QKI: variants seen among roughly 807,000 people sequenced by gnomAD.
The protein encoded by QKI is QKI, KH domain containing RNA binding, also known as KH domain-containing RNA-binding protein QKI.
A neutral mutation model predicts 39.0 loss-of-function variants in QKI; 10 were observed. The ratio of observed to expected loss-of-function variants is 0.26; its 90% confidence interval spans 0.16 to 0.43. The LOEUF (loss-of-function observed/expected upper bound fraction) is 0.43, where lower values mean the gene tolerates loss of function less well. Among genes scored for constraint, QKI ranks in the 20% least tolerant of loss-of-function variants. The pLI is 1.00. For missense variants in QKI, 218 were observed against 428.0 expected (o/e 0.51, Z 4.33); for synonymous variants, 204 against 155.4 (o/e 1.31, Z -2.33).
At chr6:163,495,871 T>G (rs555831294) in intron 3 of QKI, among the ~76,000 whole-genome samples, 109 of 152,340 alleles carry the variant, frequency 7.2e-4, no homozygotes, top group African/African-American at 2.5e-3. Context: ...TGCCTCATTT[T>G]TGATGTTGAT....
At chr6:163,527,317 AT>A (rs1780577582) in intron 3 of QKI, among the ~76,000 whole-genome samples, 1 of 152,164 alleles carries the variant, frequency 6.6e-6, no homozygotes, top group Non-Finnish European at 1.5e-5. Flanking sequence ...CTAAGATTAT[AT>A]GCACAACTGG....
chr6:163,456,300 T>TTC (rs924114154), intron 2 of QKI, among the ~76,000 whole-genome samples: 2 of 152,122 alleles, frequency 1.3e-5, no homozygotes, highest in Non-Finnish European at 2.9e-5. Flanking sequence ...CTGGTTTATT[T>TTC]TCTCTCTCTC....
At position 163,520,608 on chromosome 6, in the gene QKI, A is replaced by G. The variant is rs547867519; in HGVS notation, c.403-14374A>G. ...CCACCTATTAGCTACAAGGCTTTGC[A>G]GTGGTGCTGTTAGCTAGGTTCATAT... On this transcript the variant is annotated intron_variant, in intron 3 of 7. Transcript: ENST00000361752. 5.9e-5 allele frequency among the ~76,000 whole-genome samples: 9 copies of G among 152,316 alleles called. No homozygotes were observed. In the South Asian group the frequency reaches 1.4e-3, roughly 25 times the overall value.
chr6:163,463,775 A>G (rs974001158), intron 2 of QKI, among the ~76,000 whole-genome samples: 4 of 152,210 alleles, frequency 2.6e-5, no homozygotes, highest in African/African-American at 7.2e-5. Context: ...CAAGAGCAGA[A>G]GACAGTATTT....
chr6:163,481,299 C>T (rs542020953), intron 3 of QKI, among the ~76,000 whole-genome samples: 2 of 152,076 alleles, frequency 1.3e-5, no homozygotes, highest in South Asian at 4.2e-4. Context: ...TGTGTATATA[C>T]TGATTGCCTG....
chr6:163,562,573 T>C (rs956351695), intron 5 of QKI, among the ~76,000 whole-genome samples: 8 of 152,228 alleles, frequency 5.3e-5, no homozygotes, highest in African/African-American at 1.7e-4. Context: ...GTGATAACTC[T>C]TTTTCCGTCC....
intron 2 of QKI, among the ~76,000 whole-genome samples, chr6:163,464,107 A>G (rs1318409006): frequency 6.6e-6 from 1 of 152,174 alleles, no homozygotes; most frequent in Admixed American, 6.5e-5. Context: ...ATCACATGGT[A>G]TGCAGTGATC....
chr6:163,576,063 G>A lies in QKI; in HGVS notation c.*5353G>A, dbSNP rs1178374692. On this transcript the variant is annotated 3_prime_UTR_variant, in exon 8 of 8. Coordinates refer to ENST00000361752, the MANE Select transcript of QKI (RefSeq NM_006775.3). ...TTCACAATTTTTCTAAGTGCATAGA[G>A]TAGTTTTTTACATTGTCACGAATTC... 3.3e-5 allele frequency: 5 copies of A among 152,122 alleles called. 1 individual carries two copies. The highest frequency in any genetic ancestry group is 5.9e-5 in the Non-Finnish European group (4 of 68,042). 9.4% of individuals were successfully genotyped at this position (152,122 alleles called of 1,614,324 possible). A position where few individuals can be genotyped will look rare whatever the true frequency, so the allele number is the denominator to read the frequency against.
chr6:163,555,537 A>G (rs942664691), intron 4 of QKI, among the ~76,000 whole-genome samples: 1 of 143,390 alleles, frequency 7.0e-6, no homozygotes, highest in Admixed American at 7.1e-5. Flanking sequence ...AAAAGCCTGC[A>G]CTCTGAGAGA....
intron 6 of QKI, chr6:163,565,633 GAATAAT>G (rs1262034830): frequency 1.3e-5 from 13 of 1,037,624 alleles, no homozygotes; most frequent in Non-Finnish European, 1.4e-5. Flanking sequence ...TTCATAAGGT[GAATAAT>G]AATAAGTGCC....
chr6:163,519,858 C>A (rs1780042324), intron 3 of QKI, among the ~76,000 whole-genome samples: 1 of 151,958 alleles, frequency 6.6e-6, no homozygotes, highest in African/African-American at 2.4e-5. Context: ...TTTTTCATTG[C>A]ATTCACATTT....
chr6:163,512,642 TTAATTATC>T (rs1405157233), intron 3 of QKI, among the ~76,000 whole-genome samples: 1 of 152,118 alleles, frequency 6.6e-6, no homozygotes, highest in Non-Finnish European at 1.5e-5. Context: ...CATACTTCAT[TTAATTATC>T]TAATTATCAA....
intron 1 of QKI, among the ~76,000 whole-genome samples, chr6:163,420,138 G>GCTTTT (rs1284127252): frequency 3.4e-5 from 5 of 145,948 alleles, no homozygotes; most frequent in Non-Finnish European, 6.0e-5. Context: ...ACATGTAAGG[G>GCTTTT]CTTTTCTTTT....
At chr6:163,517,080 TTTCTCTC>T (rs1562505618) in intron 3 of QKI, among the ~76,000 whole-genome samples, 9 of 137,452 alleles carry the variant, frequency 6.5e-5, no homozygotes, top group East Asian at 4.2e-4. Flanking sequence ...TCTCTCTCTC[TTTCTCTC>T]TCTCTCTCTC....
chr6:163,563,594 C>A lies in QKI; in HGVS notation c.809C>A (p.Pro270Gln). Residue 270 changes from proline (P) to glutamine (Q), a missense_variant, in exon 6 of 8, where the codon CCA becomes CAA. This residue lies in a region of QKI where 117 missense variants were observed against 186.0 expected (regional missense o/e 0.63). Coordinates refer to ENST00000361752, the MANE Select transcript of QKI (RefSeq NM_006775.3). ...GTCATGCCAAACGGAACTCCTCACC[C>A]AACTGCTGCAATAGTTCCTCCAGGG... is the stretch of plus-strand genomic sequence containing the variant. ...TAVMPNGTPH[P>Q]TAAIVPPGPE... 6.2e-7 allele frequency: 1 copy of A among 1,614,214 alleles called. No homozygotes were observed. Among genetic ancestry groups the A allele is most frequent in the South Asian group, 1.1e-5 (1 of 91,078 alleles).
At chr6:163,519,562 T>C (rs186660667) in intron 3 of QKI, among the ~76,000 whole-genome samples, 13 of 151,928 alleles carry the variant, frequency 8.6e-5, no homozygotes, top group Admixed American at 5.9e-4. Context: ...TTTTCACATG[T>C]GAAAAATAAG....
chr6:163,531,457 T>A (rs1476007906), intron 3 of QKI, among the ~76,000 whole-genome samples: 1 of 152,210 alleles, frequency 6.6e-6, no homozygotes, highest in Non-Finnish European at 1.5e-5. Context: ...TGCTTTTTAA[T>A]GAGAGTTCAT....
chr6:163,527,553 G>A (rs1780590530), intron 3 of QKI, among the ~76,000 whole-genome samples: 1 of 151,960 alleles, frequency 6.6e-6, no homozygotes, highest in African/African-American at 2.4e-5. Context: ...AGCAGGGGTG[G>A]GACAATCAGT....
At chr6:163,445,046 A>C (rs2757582) in intron 1 of QKI, among the ~76,000 whole-genome samples, 34,433 of 152,014 alleles carry the variant, frequency 0.23, 4,100 homozygotes, top group Middle Eastern at 0.3. Flanking sequence ...AGCTGGGACT[A>C]CAGGCACACC....
Sources: allele counts gnomAD v4.1 joint callset (sites outside exome capture counted in the v4.1 genomes callset), GRCh38; gene constraint gnomAD v4.1.1; regional missense constraint gnomAD v4.1.1; transcripts MANE v1.5; gene names NCBI Gene and HGNC (gene_info 2026-07-23, HGNC 2026-07-21).